Variants in PTPRT observed in about 807,000 individuals in gnomAD.
The protein encoded by PTPRT is protein tyrosine phosphatase receptor type T, also known as receptor-type tyrosine-protein phosphatase T.
In PTPRT, 56 loss-of-function variants were observed where a neutral mutation model predicts 176.8. The observed-to-expected ratio is 0.32, with a 90% confidence interval of 0.26 to 0.40. The LOEUF is 0.40. Ranked by LOEUF, PTPRT falls within the 10% of genes least tolerant of loss-of-function variation. The pLI is 1.00. For synonymous variants in PTPRT, 783 were observed against 739.0 expected, an observed-to-expected ratio of 1.06 and a Z score of -0.96; for missense variants, 1,540 against 1,908.2, an observed-to-expected ratio of 0.81 and a Z score of 3.60.
At chr20:42,518,645 G>A (rs143029902) in intron 7 of PTPRT, among the ~76,000 whole-genome samples, 11 of 152,000 alleles carry the variant, frequency 7.2e-5, no homozygotes, top group African/African-American at 7.2e-5. Context: ...GCGCACGTGC[G>A]TGAGTATGTG....
At position 42,719,869 on chromosome 20, in the gene PTPRT, A is replaced by C. The variant is rs1600659160; in HGVS notation, c.859+36593T>G. Among the ~76,000 whole-genome samples the C allele has an allele frequency of 3.9e-5, 6 of 152,330 alleles. 1 individual carries two copies. In the South Asian group the frequency reaches 1.2e-3, roughly 32 times the overall value. On this transcript the variant is annotated intron_variant, in intron 6 of 30. Coordinates refer to ENST00000373187, the MANE Select transcript of PTPRT (RefSeq NM_007050.6). ...ATGGAAACACCTGCCACTCTGACAC[A>C]GGGTAAGAACGGATGTGGAGAAAGA...
chr20:42,145,290 A>G (rs2146432120), intron 17 of PTPRT, among the ~76,000 whole-genome samples: 1 of 152,324 alleles, frequency 6.6e-6, no homozygotes, highest in Non-Finnish European at 1.5e-5. Context: ...TCAAGAGGTC[A>G]GGAGTTCAAG....
At chr20:42,906,159 C>A (rs2079475322) in intron 1 of PTPRT, among the ~76,000 whole-genome samples, 2 of 152,078 alleles carry the variant, frequency 1.3e-5, no homozygotes, top group Non-Finnish European at 2.9e-5. Context: ...GCAGAAGAAC[C>A]CACAAGCGTC....
intron 7 of PTPRT, among the ~76,000 whole-genome samples, chr20:42,638,353 C>T (rs1281873983): frequency 1.3e-5 from 2 of 151,980 alleles, no homozygotes; most frequent in East Asian, 1.9e-4. Flanking sequence ...CCTGCCTGAG[C>T]GGTCGAAACA....
rs1379327540 is a variant in PTPRT at position 42,616,519 on chromosome 20, T to C, written c.1153+61347A>G. On this transcript the variant is annotated intron_variant, in intron 7 of 30. Transcript: ENST00000373187. The stretch of plus-strand genomic sequence containing the variant: ...TGGGGATGGCATTGAAACTGTAAAT[T>C]ACCTTGGGCAGTATGGCCATTTTCA... Among the ~76,000 whole-genome samples the C allele has an allele frequency of 6.2e-5, 8 of 128,496 alleles. 2 individuals carry two copies. Among genetic ancestry groups the C allele is most frequent in the Admixed American group, 3.0e-4 (4 of 13,546 alleles). 84.3% of individuals were successfully genotyped at this position (128,496 alleles called of 152,430 possible). A position where few individuals can be genotyped will look rare whatever the true frequency, so the allele number is the denominator to read the frequency against.
At position 42,774,377 on chromosome 20, in the gene PTPRT, G is replaced by A. The variant is rs185195719; in HGVS notation, c.569-2827C>T. 4.2e-3 allele frequency among the ~76,000 whole-genome samples: 636 copies of A among 152,296 alleles called. 5 individuals are homozygous for A. The highest frequency in any genetic ancestry group is 6.6e-3 in the Non-Finnish European group (448 of 68,030). ...GGTGAGGACTGGAGGGAACTGGAGA[G>A]AGACTCTGAAAGGGGACACTGAAAG... is the stretch of plus-strand genomic sequence containing the variant. On this transcript the variant is annotated intron_variant, in intron 4 of 30. Transcript: ENST00000373187.
At chr20:43,039,067 A>G (rs1364110510) in intron 1 of PTPRT, among the ~76,000 whole-genome samples, 1 of 152,168 alleles carries the variant, frequency 6.6e-6, no homozygotes, top group Non-Finnish European at 1.5e-5. Flanking sequence ...ATTTGAGGGG[A>G]GCACCTGACA....
intron 1 of PTPRT, among the ~76,000 whole-genome samples, chr20:43,166,979 C>T (rs1341094213): frequency 1.3e-5 from 2 of 152,172 alleles, no homozygotes; most frequent in Non-Finnish European, 2.9e-5. Context: ...CTGTCAAGAG[C>T]CTGACTTGAC....
At chr20:42,113,639 T>C (rs1987129255) in intron 22 of PTPRT, among the ~76,000 whole-genome samples, 1 of 152,236 alleles carries the variant, frequency 6.6e-6, no homozygotes, top group South Asian at 2.1e-4. Context: ...GTGGATCAGC[T>C]CTAGGCTAGA....
chr20:42,352,391 T>G, intron 9 of PTPRT, 106 bp from the exon 10 acceptor site: 1 of 1,121,600 alleles, frequency 8.9e-7, no homozygotes. Context: ...GGGGCAGGCA[T>G]GTGAACTTGG....
Position 42,248,716 on chromosome 20 carries a change from G to A in PTPRT, c.2283C>T (p.Leu761=), listed in dbSNP as rs1183009191. 2 of 1,614,000 alleles carry A rather than the reference G, an allele frequency of 1.2e-6. No individual in the cohort carries two copies. The highest frequency in any genetic ancestry group is 1.7e-4 in the Middle Eastern group (1 of 6,060). Residue 761 remains leucine, a synonymous_variant, in exon 14 of 31, where the codon CTC becomes CTT. Transcript: ENST00000373187. ...IAGLLMFIII[L]LGVMLTIKRR... ...TTTTGATGGTGAGCATCACGCCCAG[G>A]AGAATGATGATGAACATGAGGAGGC...
chr20:42,286,976 C>A (rs554498826), intron 12 of PTPRT, among the ~76,000 whole-genome samples: 49 of 151,828 alleles, frequency 3.2e-4, no homozygotes, highest in African/African-American at 1.2e-3. Context: ...AAATGGCCAA[C>A]AAATATATAA....
At position 42,126,529 on chromosome 20, in the gene PTPRT, C is replaced by T. The variant is rs78306500; in HGVS notation, c.2847+2225G>A. The stretch of plus-strand genomic sequence containing the variant: ...AGTAATTCTTAGGTTACTATAAACC[C>T]TTCTTGCCTGGCTGGCTCTAAGTCA... On this transcript the variant is annotated intron_variant, in intron 19 of 30. Coordinates refer to ENST00000373187, the MANE Select transcript of PTPRT (RefSeq NM_007050.6). Among the ~76,000 whole-genome samples, 1,402 of 152,284 alleles carry T rather than the reference C, an allele frequency of 9.2e-3. 23 individuals are homozygous for T. The highest frequency in any genetic ancestry group is 0.031 in the African/African-American group (1,298 of 41,560).
intron 14 of PTPRT, among the ~76,000 whole-genome samples, chr20:42,241,286 A>T (rs1245846211): frequency 6.6e-6 from 1 of 152,180 alleles, no homozygotes; most frequent in Non-Finnish European, 1.5e-5. Context: ...TGGTAAAGTA[A>T]AAGAGAAGTC....
At chr20:43,163,428 C>T (rs1260038463) in intron 1 of PTPRT, among the ~76,000 whole-genome samples, 4 of 151,976 alleles carry the variant, frequency 2.6e-5, no homozygotes, top group East Asian at 1.9e-4. Flanking sequence ...CACGAGGTCA[C>T]GAGATCAAGA....
intron 7 of PTPRT, among the ~76,000 whole-genome samples, chr20:42,511,778 T>A (rs1345474014): frequency 6.6e-6 from 1 of 152,040 alleles, no homozygotes; most frequent in African/African-American, 2.4e-5. Context: ...TCTATTTCCT[T>A]CTGAAAGGGC....
At chr20:42,902,529 A>T (rs953761327) in intron 1 of PTPRT, among the ~76,000 whole-genome samples, 2 of 152,220 alleles carry the variant, frequency 1.3e-5, no homozygotes, top group East Asian at 3.8e-4. Context: ...TCCTGATGTC[A>T]TGCAAAGCTT....
chr20:42,748,739 C>G (rs916208247), intron 6 of PTPRT, among the ~76,000 whole-genome samples: 1 of 152,132 alleles, frequency 6.6e-6, no homozygotes, highest in South Asian at 2.1e-4. Context: ...TATGACAAGA[C>G]AGTAAAGCCA....
Position 42,115,190 on chromosome 20 carries a change from G to T in PTPRT, c.3099+9C>A, listed in dbSNP as rs1190507489. The stretch of plus-strand genomic sequence containing the variant: ...TGGACCGGCTGCCCACAGCCTCCAA[G>T]AAGCTTACCTTCTGGACTGTGAAGG... On this transcript the variant is annotated intron_variant, in intron 22 of 30. Transcript: ENST00000373187. 5 of 1,606,132 alleles carry T rather than the reference G, an allele frequency of 3.1e-6. No homozygotes were observed. The Admixed American group carries it at 6.7e-5, about 21-fold the overall frequency.
Sources: gnomAD v4.1 joint callset for allele counts (sites outside exome capture counted in the v4.1 genomes callset) on GRCh38, gnomAD v4.1.1 for gene constraint, MANE v1.5 for transcripts, NCBI Gene and HGNC (gene_info 2026-07-23, HGNC 2026-07-21) for gene names.